Variants in ZNF644 observed in about 807,000 individuals in gnomAD.
The protein encoded by ZNF644 is zinc finger protein 644.
In ZNF644, 20 loss-of-function variants were observed where a neutral mutation model predicts 108.0. The ratio of observed to expected loss-of-function variants is 0.19; its 90% CI spans 0.13 to 0.27. The LOEUF (loss-of-function observed/expected upper bound fraction) is 0.27, where lower values mean the gene tolerates loss of function less well. Ranked by LOEUF, ZNF644 falls within the 10% of genes least tolerant of loss-of-function variation. The pLI, the probability that ZNF644 is intolerant of heterozygous loss-of-function variation, is 1.00. For synonymous variants in ZNF644, 542 were observed against 539.1 expected (o/e 1.01, Z -0.08); for missense variants, 1,338 against 1,548.9 (o/e 0.86, Z 2.29).
intron 2 of ZNF644, among the ~76,000 whole-genome samples, chr1:90,972,018 G>A (rs756139927): frequency 2.6e-5 from 4 of 152,162 alleles, no homozygotes; most frequent in Non-Finnish European, 5.9e-5. Context: ...TACTCAGGAG[G>A]CTGAGGCATG....
intron 2 of ZNF644, among the ~76,000 whole-genome samples, chr1:90,965,900 C>A (rs1570452489): frequency 6.6e-6 from 1 of 152,230 alleles, no homozygotes; most frequent in East Asian, 1.9e-4. Context: ...CAGGCGCCAG[C>A]CACCACACCC....
At chr1:91,012,350 C>T (rs1489901864) in intron 1 of ZNF644, among the ~76,000 whole-genome samples, 1 of 150,924 alleles carries the variant, frequency 6.6e-6, no homozygotes, top group Non-Finnish European at 1.5e-5. Context: ...TGATGGCATG[C>T]ACCTGTAGTT....
At chr1:91,006,923 T>TA (rs1482770301) in intron 1 of ZNF644, among the ~76,000 whole-genome samples, 3 of 152,170 alleles carry the variant, frequency 2.0e-5, no homozygotes, top group Admixed American at 2.0e-4. Flanking sequence ...CTCCCACACT[T>TA]GATAGCTTGG....
chr1:90,986,656 A>G (rs1484807006), intron 1 of ZNF644, among the ~76,000 whole-genome samples: 1 of 152,062 alleles, frequency 6.6e-6, no homozygotes, highest in African/African-American at 2.4e-5. Flanking sequence ...AATTTTCAAA[A>G]ATATTGTAAA....
At chr1:91,008,520 C>T (rs752510801) in intron 1 of ZNF644, among the ~76,000 whole-genome samples, 6 of 152,164 alleles carry the variant, frequency 3.9e-5, no homozygotes, top group East Asian at 3.9e-4. Flanking sequence ...TTCAGAGCAG[C>T]GTTTTCAGAA....
chr1:90,975,650 G>T (rs1557620048), intron 2 of ZNF644, among the ~76,000 whole-genome samples: 1 of 151,856 alleles, frequency 6.6e-6, no homozygotes, highest in Admixed American at 6.6e-5. Context: ...CACCACGTTG[G>T]CCAGGCTGGT....
At chr1:90,976,975 A>C (rs1342788244) in intron 2 of ZNF644, among the ~76,000 whole-genome samples, 1 of 152,178 alleles carries the variant, frequency 6.6e-6, no homozygotes, top group East Asian at 1.9e-4. Context: ...AGAAACATTA[A>C]GGATTTTCTC....
chr1:91,006,619 CAA>C (rs759460086), intron 1 of ZNF644, among the ~76,000 whole-genome samples: 25 of 151,990 alleles, frequency 1.6e-4, no homozygotes, highest in Admixed American at 3.3e-4. Flanking sequence ...TGAATTAAAC[CAA>C]AAAAGTCTTT....
chr1:90,954,423 T>C (rs1415898914), intron 2 of ZNF644, among the ~76,000 whole-genome samples: 1 of 152,020 alleles, frequency 6.6e-6, no homozygotes, highest in African/African-American at 2.4e-5. Context: ...TTTTTTTTTT[T>C]TGAGACAGAG....
rs2100950441 is a variant in ZNF644, at chr1:90,939,501, C to T, written c.1853G>A (p.Gly618Asp). The stretch of plus-strand genomic sequence containing the variant: ...TCTTTTATCAAGTCCAAGAGGACTA[C>T]CAAATGAATCAACACATGATGATGA... ...LHSSSCVDSF[G>D]SPLGLDKRKN... The change falls in exon 3 of 6, where the codon GGT (glycine) becomes GAT (aspartate). Residue 618 changes from glycine (G) to aspartate (D), a missense_variant. By Grantham distance (94) the Gly-to-Asp change is moderately conservative (BLOSUM62 -1). This residue lies in a region of ZNF644 where 462 missense variants were observed against 472.6 expected (regional missense o/e 0.98). Coordinates refer to ENST00000337393, the MANE Select transcript of ZNF644 (RefSeq NM_201269.3). 6.2e-7 allele frequency: 1 copy of T among 1,613,754 alleles called. No individual in the cohort carries two copies. Among genetic ancestry groups the T allele is most frequent in the East Asian group, 2.2e-5 (1 of 44,874 alleles).
Position 90,939,687 on chromosome 1 carries a change from A to G in ZNF644, c.1667T>C (p.Met556Thr), listed in dbSNP as rs773582070. Residue 556 changes from methionine (M) to threonine (T), a missense_variant, in exon 3 of 6, where the codon ATG becomes ACG. This residue lies in a region of ZNF644 where 462 missense variants were observed against 472.6 expected (regional missense o/e 0.98). Transcript: ENST00000337393. ...TCTCTGGGCAATATCAGAAGTGACC[A>G]TAGGGCATTTTACCACTGCCCCATG... ...IAHGAVVKCP[M>T]VTSDIAQRKT... The G allele has an allele frequency of 4.3e-6, 7 of 1,613,926 alleles. No homozygotes were observed. Among genetic ancestry groups the G allele is most frequent in the Non-Finnish European group, 5.9e-6 (7 of 1,179,948 alleles).
At chr1:91,000,690 G>T (rs1570551446) in intron 1 of ZNF644, among the ~76,000 whole-genome samples, 1 of 152,220 alleles carries the variant, frequency 6.6e-6, no homozygotes, top group East Asian at 1.9e-4. Context: ...GATCAGAGCA[G>T]AACTGAAGGA....
At chr1:90,960,267 G>A (rs1654197810) in intron 2 of ZNF644, among the ~76,000 whole-genome samples, 2 of 152,066 alleles carry the variant, frequency 1.3e-5, no homozygotes, top group South Asian at 4.1e-4. Context: ...TCTTCTACTC[G>A]CTGAATTGGT....
At chr1:90,925,671 A>G (rs1649948847) in intron 4 of ZNF644, among the ~76,000 whole-genome samples, 2 of 152,064 alleles carry the variant, frequency 1.3e-5, no homozygotes, top group South Asian at 2.1e-4. Flanking sequence ...AGGAAACTAG[A>G]TAAGACTTGC....
At chr1:90,920,820 T>C (rs958062038) in intron 4 of ZNF644, among the ~76,000 whole-genome samples, 1 of 152,060 alleles carries the variant, frequency 6.6e-6, no homozygotes, top group African/African-American at 2.4e-5. Flanking sequence ...GTTAAAATAT[T>C]AAAAATCTGG....
At chr1:90,961,558 G>C (rs1367013826) in intron 2 of ZNF644, among the ~76,000 whole-genome samples, 1 of 152,086 alleles carries the variant, frequency 6.6e-6, no homozygotes, top group Non-Finnish European at 1.5e-5. Flanking sequence ...TATGATATCT[G>C]AACTGAAGCA....
chr1:90,961,008 A>G (rs889671004), intron 2 of ZNF644, among the ~76,000 whole-genome samples: 2 of 152,156 alleles, frequency 1.3e-5, no homozygotes, highest in African/African-American at 4.8e-5. Context: ...GACCTACACT[A>G]AAGGGTACAA....
chr1:90,972,294 AAAC>A (rs776314910), intron 2 of ZNF644, among the ~76,000 whole-genome samples: 4 of 152,208 alleles, frequency 2.6e-5, no homozygotes, highest in Non-Finnish European at 2.9e-5. Flanking sequence ...CTCAACAGAA[AAAC>A]AACATGATTA....
chr1:90,954,652 C>G (rs1653558656), intron 2 of ZNF644, among the ~76,000 whole-genome samples: 2 of 152,214 alleles, frequency 1.3e-5, no homozygotes, highest in Non-Finnish European at 2.9e-5. Context: ...AGTGATCCAC[C>G]TGCCTTGGCC....
Sources: allele counts gnomAD v4.1 joint callset (sites outside exome capture counted in the v4.1 genomes callset), GRCh38; gene constraint gnomAD v4.1.1; regional missense constraint gnomAD v4.1.1; transcripts MANE v1.5; gene names NCBI Gene and HGNC (gene_info 2026-07-23, HGNC 2026-07-21).